The following RNF130 variants were observed in gnomAD, a reference collection of about 807,000 sequenced individuals.
The protein encoded by RNF130 is ring finger protein 130, also known as E3 ubiquitin-protein ligase RNF130.
In RNF130, 21 loss-of-function variants were observed where a neutral mutation model predicts 44.6. The observed-to-expected ratio is 0.47, with a 90% CI of 0.33 to 0.68. The LOEUF is 0.68. RNF130 is among the 30% of genes least tolerant of loss of function. RNF130 has a pLI of 0.02. For missense variants in RNF130, 479 were observed against 560.6 expected (o/e 0.85, Z 1.47); for synonymous variants, 214 against 210.4 (o/e 1.02, Z -0.15).
intron 3 of RNF130, among the ~76,000 whole-genome samples, chr5:180,002,721 G>A (rs1348253505): frequency 6.6e-6 from 1 of 152,172 alleles, no homozygotes; most frequent in Non-Finnish European, 1.5e-5. Flanking sequence ...TGGAGGCCCA[G>A]TGTTTCCTTC....
intron 3 of RNF130, 74 bp from the exon 4 acceptor site, chr5:179,980,274 A>T (rs750735401): frequency 7.2e-7 from 1 of 1,386,356 alleles, no homozygotes; most frequent in Non-Finnish European, 1.0e-6. Flanking sequence ...TTAAGCAATT[A>T]AAAGTATAAA....
chr5:179,949,282 T>A (rs1022805870), intron 7 of RNF130, among the ~76,000 whole-genome samples: 1 of 151,328 alleles, frequency 6.6e-6, no homozygotes. Flanking sequence ...TTTTTTTTTT[T>A]AAGACAAGGT....
intron 1 of RNF130, among the ~76,000 whole-genome samples, chr5:180,044,385 A>G (rs1164122417): frequency 6.6e-6 from 1 of 152,138 alleles, no homozygotes; most frequent in Non-Finnish European, 1.5e-5. Flanking sequence ...GCTGAGTCCA[A>G]AAGTATTAAA....
exon 8 of RNF130, chr5:179,913,701 A>G (rs1211940722): frequency 1.3e-5 from 2 of 152,200 alleles, no homozygotes. Flanking sequence ...TACCCACAAA[A>G]AAGAGGGTGA....
At chr5:180,071,036 G>A (rs1765246498) in intron 1 of RNF130, among the ~76,000 whole-genome samples, 1 of 151,342 alleles carries the variant, frequency 6.6e-6, no homozygotes, top group Non-Finnish European at 1.5e-5. Flanking sequence ...ATTAGAAAAG[G>A]GCCGCATCCT....
chr5:180,053,486 A>G (rs1347527415), intron 1 of RNF130, among the ~76,000 whole-genome samples: 4 of 152,182 alleles, frequency 2.6e-5, no homozygotes, highest in Non-Finnish European at 5.9e-5. Flanking sequence ...TTTAAGGAGG[A>G]CTCAAACAAA....
intron 1 of RNF130, among the ~76,000 whole-genome samples, chr5:180,045,517 CG>C (rs1764540203): frequency 6.6e-6 from 1 of 152,210 alleles, no homozygotes; most frequent in South Asian, 2.1e-4. Flanking sequence ...TCCCACAGCG[CG>C]GAAGTGGACC....
intron 3 of RNF130, among the ~76,000 whole-genome samples, chr5:179,982,460 C>T (rs143195750): frequency 1.3e-5 from 2 of 152,012 alleles, no homozygotes; most frequent in East Asian, 3.8e-4. Flanking sequence ...TAAGAGACTG[C>T]CAAAGTGTTT....
At chr5:179,913,437 G>C (rs1425619275) in exon 8 of RNF130, 1 of 151,998 alleles carries the variant, frequency 6.6e-6, no homozygotes, top group African/African-American at 2.4e-5. Context: ...AATACCTTCA[G>C]CTTAGGGTGG....
intron 7 of RNF130, among the ~76,000 whole-genome samples, chr5:179,938,918 A>G (rs1242386135): frequency 6.6e-6 from 1 of 152,160 alleles, no homozygotes; most frequent in Non-Finnish European, 1.5e-5. Flanking sequence ...CTACCACTAA[A>G]GAGTCAAGGA....
intron 5 of RNF130, among the ~76,000 whole-genome samples, 155 bp from the exon 6 acceptor site, chr5:179,970,661 A>G (rs1226000201): frequency 6.6e-6 from 1 of 152,256 alleles, no homozygotes; most frequent in African/African-American, 2.4e-5. Flanking sequence ...TTATTAAAAT[A>G]TAACTTGCAG....
chr5:179,988,165 T>C (rs1238194013), intron 3 of RNF130, among the ~76,000 whole-genome samples: 1 of 152,244 alleles, frequency 6.6e-6, no homozygotes, highest in African/African-American at 2.4e-5. Context: ...TGGTTCAATG[T>C]TGGTAGGTTG....
At chr5:180,043,202 G>A (rs1401080604) in intron 1 of RNF130, among the ~76,000 whole-genome samples, 1 of 152,170 alleles carries the variant, frequency 6.6e-6, no homozygotes, top group African/African-American at 2.4e-5. Context: ...GCACGCACCT[G>A]TAGTCCCAGC....
chr5:179,943,187 T>G (rs1458879230), intron 7 of RNF130, among the ~76,000 whole-genome samples: 1 of 152,160 alleles, frequency 6.6e-6, no homozygotes, highest in East Asian at 1.9e-4. Context: ...AGCGAGACAC[T>G]GTCTCAAAGA....
chr5:180,023,724 A>G (rs990860794), intron 2 of RNF130, among the ~76,000 whole-genome samples: 7 of 152,196 alleles, frequency 4.6e-5, no homozygotes, highest in South Asian at 2.1e-4. Context: ...AAATGACTGA[A>G]TAAATTAATA....
chr5:179,967,048 A>G, intron 6 of RNF130, 38 bp from the exon 7 acceptor site: 3 of 1,534,040 alleles, frequency 2.0e-6, no homozygotes, highest in Non-Finnish European at 2.7e-6. Context: ...ATTGTAAGGA[A>G]AACACAACCT....
intron 1 of RNF130, among the ~76,000 whole-genome samples, chr5:180,058,174 G>A (rs937719904): frequency 6.6e-6 from 1 of 152,136 alleles, no homozygotes; most frequent in African/African-American, 2.4e-5. Context: ...AGCCGTGACT[G>A]GAAGGGACCT....
intron 7 of RNF130, among the ~76,000 whole-genome samples, chr5:179,940,604 A>C (rs1287998990): frequency 6.6e-6 from 1 of 152,170 alleles, no homozygotes; most frequent in Non-Finnish European, 1.5e-5. Flanking sequence ...AAAAACTTTA[A>C]AAATTGAGAT....
chr5:180,045,158 G>C (rs1381057876), intron 1 of RNF130, among the ~76,000 whole-genome samples: 1 of 152,202 alleles, frequency 6.6e-6, no homozygotes, highest in Non-Finnish European at 1.5e-5. Context: ...GTCAAGTTCA[G>C]AAAAGATCTC....
Sources: gnomAD v4.1 joint callset for allele counts (sites outside exome capture counted in the v4.1 genomes callset) on GRCh38, gnomAD v4.1.1 for gene constraint, MANE v1.5 for transcripts, NCBI Gene and HGNC (gene_info 2026-07-23, HGNC 2026-07-21) for gene names.